Variants in SYT17 observed in about 807,000 individuals in gnomAD.
SYT17 encodes the protein synaptotagmin-17.
SYT17 carries 22 observed loss-of-function variants against 46.7 expected under a neutral mutation model. The ratio of observed to expected loss-of-function variants is 0.47; its 90% CI spans 0.34 to 0.67. The LOEUF (loss-of-function observed/expected upper bound fraction) is 0.67. Ranked by LOEUF, SYT17 falls within the 30% of genes least tolerant of loss-of-function variation. The pLI is 0.01. For missense variants in SYT17, 519 were observed against 612.8 expected, an observed-to-expected ratio of 0.85 and a Z score of 1.62; for synonymous variants, 251 against 248.4, an observed-to-expected ratio of 1.01 and a Z score of -0.10.
intron 3 of SYT17, among the ~76,000 whole-genome samples, chr16:19,179,668 G>A (rs944891332): frequency 7.9e-5 from 12 of 152,308 alleles, no homozygotes; most frequent in South Asian, 2.1e-4. Context: ...ATGGAGGTAC[G>A]GGAGGGGAAA....
intron 7 of SYT17, among the ~76,000 whole-genome samples, chr16:19,230,268 G>A (rs1051079251): frequency 6.6e-6 from 1 of 152,010 alleles, no homozygotes; most frequent in East Asian, 1.9e-4. Context: ...TTAGCCAGGC[G>A]TGGTAGTGAG....
intron 5 of SYT17, among the ~76,000 whole-genome samples, chr16:19,192,377 C>T (rs1232313048): frequency 6.6e-6 from 1 of 152,008 alleles, no homozygotes; most frequent in African/African-American, 2.4e-5. Context: ...GCCAAGATCG[C>T]ACCACTGCAC....
At chr16:19,239,490 T>C (rs28453766) in intron 7 of SYT17, among the ~76,000 whole-genome samples, 4,986 of 152,140 alleles carry the variant, frequency 0.033, 278 homozygotes, top group African/African-American at 0.11. Flanking sequence ...CCTTTTAATC[T>C]CTTTCAGCCT....
At position 19,168,824 on chromosome 16, in the gene SYT17, C is replaced by T. The variant is rs1963968270; in HGVS notation, c.15+163C>T. ...GGCAACCTGTGCAGCAACAGGGGTG[C>T]GCCCCGGGAGGAGAGACTGGGGACC... On this transcript the variant is annotated intron_variant, in intron 1 of 7. Transcript: ENST00000355377. This position sits in a 1 kb window ranked among gnomAD's most constrained non-coding sequence, Gnocchi z 6.9. Among the ~76,000 whole-genome samples, 1 of 152,068 alleles carries T rather than the reference C, an allele frequency of 6.6e-6. No individual in the cohort carries two copies. The highest frequency in any genetic ancestry group is 1.5e-5 in the Non-Finnish European group (1 of 67,978).
At chr16:19,207,969 A>G (rs1965737296) in intron 5 of SYT17, among the ~76,000 whole-genome samples, 1 of 152,168 alleles carries the variant, frequency 6.6e-6, no homozygotes, top group Non-Finnish European at 1.5e-5. Flanking sequence ...CCAAAATCAA[A>G]TCCTGATGGT....
chr16:19,189,056 T>C (rs1306966043), intron 5 of SYT17, among the ~76,000 whole-genome samples: 1 of 152,082 alleles, frequency 6.6e-6, no homozygotes, highest in Non-Finnish European at 1.5e-5. Context: ...CCGGCTAATT[T>C]TTCGTAATTT....
At chr16:19,227,236 C>T (rs1012754437) in intron 7 of SYT17, among the ~76,000 whole-genome samples, 6 of 152,036 alleles carry the variant, frequency 3.9e-5, no homozygotes, top group Admixed American at 1.3e-4. Context: ...TTTTCTCCCA[C>T]ACACATGGGG....
chr16:19,260,364 G>T (rs1381212532), intron 7 of SYT17, among the ~76,000 whole-genome samples: 1 of 83,466 alleles, frequency 1.2e-5, no homozygotes, highest in Non-Finnish European at 2.4e-5. Flanking sequence ...AAAAAAAAAA[G>T]CCAGGCATAG....
chr16:19,170,801 C>T (rs181140482), intron 1 of SYT17: 2 of 152,256 alleles, frequency 1.3e-5, no homozygotes, highest in African/African-American at 4.8e-5. Context: ...CTTTTTCATG[C>T]AAGCCCTATG....
At position 19,182,591 on chromosome 16, in the gene SYT17, T is replaced by A. The variant is rs1450970754; in HGVS notation, c.332-937T>A. Among the ~76,000 whole-genome samples, 13 of 152,192 alleles carry A rather than the reference T, an allele frequency of 8.5e-5. 1 individual carries two copies. The highest frequency in any genetic ancestry group is 8.5e-4 in the Admixed American group (13 of 15,286). On this transcript the variant is annotated intron_variant, in intron 4 of 7. Coordinates refer to ENST00000355377, the MANE Select transcript of SYT17 (RefSeq NM_016524.4). ...TCTCATGCCCAGCTCTGAACACAGG[T>A]TATCTCCATTTAGCATACATCTATC...
At chr16:19,204,123 C>T (rs867117438) in intron 5 of SYT17, among the ~76,000 whole-genome samples, 6 of 152,152 alleles carry the variant, frequency 3.9e-5, no homozygotes, top group African/African-American at 1.4e-4. Context: ...CTTTGGCACT[C>T]GTCACACCTT....
At chr16:19,179,042 A>G (rs893969128) in intron 3 of SYT17, among the ~76,000 whole-genome samples, 3 of 151,160 alleles carry the variant, frequency 2.0e-5, no homozygotes, top group Non-Finnish European at 4.4e-5. Context: ...TAAAAAAAAA[A>G]ACAATGAATT....
In SYT17 at chr16:19,264,337, T is replaced by C. The variant is rs571213391; in HGVS notation, c.1229-2543T>C. ...GACTGTGTTCCAATAAAACTTTATTTACAAAAACAGGTAGTAGTCCATATT... is the reference window on the plus strand; with the variant it reads ...GACTGTGTTCCAATAAAACTTTATTCACAAAAACAGGTAGTAGTCCATATT... On this transcript the variant is annotated intron_variant, in intron 7 of 7. Coordinates refer to ENST00000355377, the MANE Select transcript of SYT17 (RefSeq NM_016524.4). Among the ~76,000 whole-genome samples the C allele has an allele frequency of 2.6e-5, 4 of 152,362 alleles. No individual in the cohort carries two copies. The South Asian group carries it at 8.3e-4, about 32-fold the overall frequency.
intron 5 of SYT17, among the ~76,000 whole-genome samples, chr16:19,185,619 A>C (rs79332779): frequency 6.6e-6 from 1 of 151,100 alleles, no homozygotes; most frequent in Non-Finnish European, 1.5e-5. Flanking sequence ...AAAAAAAAAA[A>C]GTTGCCTTTC....
At chr16:19,218,554 G>A (rs772182488) in intron 5 of SYT17, among the ~76,000 whole-genome samples, 10 of 152,170 alleles carry the variant, frequency 6.6e-5, no homozygotes, top group Admixed American at 1.3e-4. Context: ...AGTCTTCTTA[G>A]AAAAAGGATG....
intron 3 of SYT17, among the ~76,000 whole-genome samples, chr16:19,174,585 A>G (rs891910401): frequency 1.3e-4 from 20 of 152,186 alleles, no homozygotes; most frequent in African/African-American, 4.8e-4. Context: ...CTTAGAAGCA[A>G]GTATCAAATA....
At chr16:19,193,804 G>A (rs930848199) in intron 5 of SYT17, among the ~76,000 whole-genome samples, 1 of 152,152 alleles carries the variant, frequency 6.6e-6, no homozygotes, top group Non-Finnish European at 1.5e-5. Context: ...TTTATTCACC[G>A]AGTTCCCATG....
At chr16:19,206,094 G>A (rs1965661880) in intron 5 of SYT17, among the ~76,000 whole-genome samples, 1 of 152,170 alleles carries the variant, frequency 6.6e-6, no homozygotes, top group Non-Finnish European at 1.5e-5. Context: ...CAGTGTGATA[G>A]TAGAAATGAC....
Position 19,183,432 on chromosome 16 carries a change from A to G in SYT17, c.332-96A>G. ...AGAAAGATGGCAAAGGTCATTCTGA[A>G]GCAGAGTAAACAATGCAAGAATCTG... On this transcript the variant is annotated intron_variant, in intron 4 of 7. Coordinates refer to ENST00000355377, the MANE Select transcript of SYT17 (RefSeq NM_016524.4). This position sits in a 1 kb window ranked among gnomAD's most constrained non-coding sequence, Gnocchi z 5.6. 6.7e-7 allele frequency: 1 copy of G among 1,492,096 alleles called. No homozygotes were observed. Among genetic ancestry groups the G allele is most frequent in the Non-Finnish European group, 9.1e-7 (1 of 1,102,888 alleles). The allele number at this position is 1,492,096 out of a possible 1,614,324, so 92.4% of individuals were successfully genotyped here.
Sources: allele counts gnomAD v4.1 joint callset (sites outside exome capture counted in the v4.1 genomes callset), GRCh38; gene constraint gnomAD v4.1.1; non-coding constraint Gnocchi (gnomAD v3.1); transcripts MANE v1.5; gene names NCBI Gene and HGNC (gene_info 2026-07-23, HGNC 2026-07-21).